ISM1: variants seen among roughly 807,000 people sequenced by gnomAD.
The protein encoded by ISM1 is isthmin-1.
ISM1 carries 25 observed loss-of-function variants against 46.3 expected under a neutral mutation model. That is an observed-to-expected ratio of 0.54 (90% CI 0.39 to 0.75). The LOEUF is 0.75. Ranked by LOEUF, ISM1 falls within the 30% of genes least tolerant of loss-of-function variation. ISM1 has a pLI of 0.00. For missense variants in ISM1, 536 were observed against 625.4 expected (o/e 0.86, Z 1.52); for synonymous variants, 255 against 256.7 (o/e 0.99, Z 0.06).
chr20:13,288,008 T>C (rs976394710), intron 3 of ISM1, among the ~76,000 whole-genome samples: 1 of 152,172 alleles, frequency 6.6e-6, no homozygotes, highest in African/African-American at 2.4e-5. Context: ...GTGTCTGTAG[T>C]CCATGTGGCT....
chr20:13,284,304 G>A (rs969662805), intron 3 of ISM1, among the ~76,000 whole-genome samples: 2 of 152,152 alleles, frequency 1.3e-5, no homozygotes, highest in African/African-American at 2.4e-5. Context: ...ACTAAGAAAG[G>A]ACTACTTTAA....
chr20:13,317,471 C>A, the ISM1 span, among the ~76,000 whole-genome samples: 1 of 151,756 alleles, frequency 6.6e-6, no homozygotes, highest in African/African-American at 2.4e-5. Flanking sequence ...GATAAAAGAC[C>A]CAGAATAGCC....
intron 2 of ISM1, among the ~76,000 whole-genome samples, chr20:13,277,228 G>A (rs2040189559): frequency 6.6e-6 from 1 of 152,120 alleles, no homozygotes; most frequent in African/African-American, 2.4e-5. Flanking sequence ...GGCACGTTTT[G>A]TTTAAGCAAT....
the ISM1 span, among the ~76,000 whole-genome samples, chr20:13,315,117 G>C: frequency 2.7e-5 from 4 of 148,768 alleles, no homozygotes; most frequent in African/African-American, 9.8e-5. Context: ...GAAAAAGAAT[G>C]GAAGACAAAA....
downstream of ISM1, among the ~76,000 whole-genome samples, chr20:13,303,324 G>T (rs1453205111): frequency 6.6e-6 from 1 of 152,176 alleles, no homozygotes; most frequent in African/African-American, 2.4e-5. Flanking sequence ...TTATCTCTAT[G>T]TATTTTGCCC....
chr20:13,266,202 A>AG (rs1296202021), intron 1 of ISM1, among the ~76,000 whole-genome samples: 2 of 152,216 alleles, frequency 1.3e-5, no homozygotes, highest in Non-Finnish European at 2.9e-5. Flanking sequence ...ACACCAAGTA[A>AG]GAAAAAGAGG....
intron 2 of ISM1, among the ~76,000 whole-genome samples, chr20:13,273,962 A>G (rs1462965727): frequency 1.3e-5 from 2 of 152,186 alleles, no homozygotes; most frequent in Non-Finnish European, 2.9e-5. Flanking sequence ...TTTGTGGAAG[A>G]CCACAAAATG....
chr20:13,273,103 T>C (rs890272884), intron 2 of ISM1, among the ~76,000 whole-genome samples: 2 of 152,178 alleles, frequency 1.3e-5, no homozygotes, highest in Non-Finnish European at 2.9e-5. Context: ...TATTGGCTGC[T>C]TTGTGCTTGA....
At chr20:13,302,354 A>C (rs1201156896), downstream of ISM1, among the ~76,000 whole-genome samples, 1 of 152,210 alleles carries the variant, frequency 6.6e-6, no homozygotes, top group East Asian at 1.9e-4. Context: ...AAACCTCTGG[A>C]AATTTGCTGA....
chr20:13,290,542 G>C (rs1482063250), intron 4 of ISM1, among the ~76,000 whole-genome samples: 6 of 152,094 alleles, frequency 3.9e-5, no homozygotes, highest in Admixed American at 2.0e-4. Flanking sequence ...CCAGCTACTC[G>C]GGAGGCTGAG....
At chr20:13,232,575 A>G (rs1049136121) in intron 1 of ISM1, among the ~76,000 whole-genome samples, 58 of 152,346 alleles carry the variant, frequency 3.8e-4, no homozygotes, top group African/African-American at 1.4e-3. Flanking sequence ...CAACTATTAA[A>G]GATGCTGTGA....
In ISM1 at chr20:13,252,936, C is replaced by A. The variant is rs190656101; in HGVS notation, c.139-17568C>A. On this transcript the variant is annotated intron_variant, in intron 1 of 5. Coordinates refer to ENST00000262487, the MANE Select transcript of ISM1 (RefSeq NM_080826.2). ...GGCCCACCTGGGGTCCCCAGCCCCCCCTCTCAGATCTCACTTAATCTTCTG... is the reference window on the plus strand; with the variant it reads ...GGCCCACCTGGGGTCCCCAGCCCCCACTCTCAGATCTCACTTAATCTTCTG... Among the ~76,000 whole-genome samples the A allele has an allele frequency of 4.2e-3, 634 of 152,264 alleles. 4 individuals are homozygous for A. Among genetic ancestry groups the A allele is most frequent in the Admixed American group, 0.018 (270 of 15,306 alleles).
the ISM1 span, among the ~76,000 whole-genome samples, chr20:13,319,751 C>T: frequency 3.9e-5 from 6 of 152,236 alleles, no homozygotes; most frequent in African/African-American, 1.2e-4. Flanking sequence ...TGCACACACA[C>T]ACTCTAGAGG....
At chr20:13,250,414 C>T (rs927795686) in intron 1 of ISM1, among the ~76,000 whole-genome samples, 1 of 152,120 alleles carries the variant, frequency 6.6e-6, no homozygotes, top group South Asian at 2.1e-4. Context: ...TCCTTGGGGG[C>T]ATATGGAGTT....
chr20:13,271,557 T>C (rs1384699282), intron 2 of ISM1, among the ~76,000 whole-genome samples: 1 of 152,246 alleles, frequency 6.6e-6, no homozygotes, highest in East Asian at 1.9e-4. Flanking sequence ...CTCAGGAAGT[T>C]ACTGTTTGGT....
At chr20:13,307,210 T>G in the ISM1 span, among the ~76,000 whole-genome samples, 1 of 152,174 alleles carries the variant, frequency 6.6e-6, no homozygotes. Context: ...TCCCATCCCC[T>G]CGGCCACACA....
At chr20:13,310,957 G>A in the ISM1 span, among the ~76,000 whole-genome samples, 1 of 152,212 alleles carries the variant, frequency 6.6e-6, no homozygotes, top group South Asian at 2.1e-4. Context: ...ACTTTGGGAG[G>A]CTGAGGCGAG....
At chr20:13,301,057 T>C (rs1465742715), downstream of ISM1, among the ~76,000 whole-genome samples, 1 of 152,256 alleles carries the variant, frequency 6.6e-6, no homozygotes, top group Non-Finnish European at 1.5e-5. Context: ...CATCTTTCAT[T>C]TCCTAGCCTA....
chr20:13,264,916 T>C (rs994261251), intron 1 of ISM1, among the ~76,000 whole-genome samples: 1 of 152,144 alleles, frequency 6.6e-6, no homozygotes, highest in Non-Finnish European at 1.5e-5. Context: ...CCCAGCACCA[T>C]GTAGCTTCAG....
Sources: gnomAD v4.1 joint callset for allele counts (sites outside exome capture counted in the v4.1 genomes callset) on GRCh38, gnomAD v4.1.1 for gene constraint, MANE v1.5 for transcripts, NCBI Gene and HGNC (gene_info 2026-07-23, HGNC 2026-07-21) for gene names.